Variants in CNGB1 observed in about 807,000 individuals in gnomAD.
CNGB1 encodes cyclic nucleotide-gated channel beta-1.
A neutral mutation model predicts 151.7 loss-of-function variants in CNGB1; 126 were observed. That is an observed-to-expected ratio of 0.83 (90% CI 0.72 to 0.96). The LOEUF (loss-of-function observed/expected upper bound fraction) is 0.96, where lower values mean the gene tolerates loss of function less well. Ranked by LOEUF, CNGB1 falls within the 40% of genes least tolerant of loss-of-function variation. The pLI is 0.00. For synonymous variants in CNGB1, 623 were observed against 635.1 expected, an observed-to-expected ratio of 0.98 and a Z score of 0.29; for missense variants, 1,698 against 1,627.0, an observed-to-expected ratio of 1.04 and a Z score of -0.75.
chr16:57,946,433 AGCTGGGG>A (rs1243513266), intron 14 of CNGB1: 1 of 152,322 alleles, frequency 6.6e-6, no homozygotes, highest in Non-Finnish European at 1.5e-5. Context: ...GCAGGGGTTC[AGCTGGGG>A]GCTGTGGCGT....
At chr16:57,947,075 G>C (rs367675865) in intron 14 of CNGB1, among the ~76,000 whole-genome samples, 107 of 152,366 alleles carry the variant, frequency 7.0e-4, no homozygotes, top group Non-Finnish European at 1.3e-3. Flanking sequence ...GGGTATACGT[G>C]TGTGCATGCC....
At chr16:57,902,283 C>A (rs1484771415) in intron 27 of CNGB1, among the ~76,000 whole-genome samples, 1 of 152,024 alleles carries the variant, frequency 6.6e-6, no homozygotes, top group Non-Finnish European at 1.5e-5. Context: ...GTTGGCCAGG[C>A]TGGTCTCAAA....
At chr16:57,891,296 G>A (rs1157553285) in intron 31 of CNGB1, among the ~76,000 whole-genome samples, 7 of 152,118 alleles carry the variant, frequency 4.6e-5, no homozygotes, top group Non-Finnish European at 8.8e-5. Context: ...GTTCCTAGGG[G>A]AAATACAAGG....
At chr16:57,947,006 CATGTATGAAT>C (rs1567390853) in intron 14 of CNGB1, among the ~76,000 whole-genome samples, 1 of 152,346 alleles carries the variant, frequency 6.6e-6, no homozygotes, top group South Asian at 2.1e-4. Flanking sequence ...TGTGCACACA[CATGTATGAAT>C]ATGTATGAAT....
At position 57,883,801 on chromosome 16, in the gene CNGB1, A is replaced by G. The variant is rs1567358439; in HGVS notation, c.*363T>C. 2.8e-6 allele frequency: 1 copy of G among 363,448 alleles called. No individual in the cohort carries two copies. The highest frequency in any genetic ancestry group is 5.1e-6 in the Non-Finnish European group (1 of 195,308). The allele number at this position is 363,448 out of a possible 1,614,324, so 22.5% of individuals were successfully genotyped here. On this transcript the variant is annotated 3_prime_UTR_variant, in exon 33 of 33. Transcript: ENST00000251102. ...ACATTCAATAACACTTTACTTTTTC[A>G]GCAAAGCTTCCCATGTATTGGAGCC... is the stretch of plus-strand genomic sequence containing the variant.
In CNGB1 at chr16:57,904,889, A is replaced by G; in HGVS notation, c.2493-14T>C. 1 of 1,614,108 alleles carries G rather than the reference A, an allele frequency of 6.2e-7. No individual in the cohort carries two copies. The highest frequency in any genetic ancestry group is 8.5e-7 in the Non-Finnish European group (1 of 1,180,026). On this transcript the variant is annotated splice_polypyrimidine_tract_variant and intron_variant, in intron 25 of 32. Coordinates refer to ENST00000251102, the MANE Select transcript of CNGB1 (RefSeq NM_001297.5). ...CAGCGAATATAACTGGAGAGAGAGG[A>G]GAAAGGGAACATGGGTCATCACAGG...
At position 57,939,468 on chromosome 16, in the gene CNGB1, TC is replaced by T. The variant is rs759380292; in HGVS notation, c.1333del (p.Glu445ArgfsTer58). The T allele has an allele frequency of 6.2e-7, 1 of 1,614,044 alleles. No individual in the cohort carries two copies. Among genetic ancestry groups the T allele is most frequent in the African/African-American group, 1.3e-5 (1 of 74,920 alleles). ...AGCCTCGGCCTCAGCCTCAGGCTCC[TC>T]CTTGGTCTCCGCCCAGTCCTGGGGC... ...KEPQDWAETK[E>X]EPEAEAEAAS... On this transcript the variant is annotated frameshift_variant, in exon 16 of 33. Coordinates refer to ENST00000251102, the MANE Select transcript of CNGB1 (RefSeq NM_001297.5). LOFTEE classifies it high-confidence loss of function.
intron 1 of CNGB1, among the ~76,000 whole-genome samples, chr16:57,970,621 G>A (rs57484425): frequency 0.032 from 4,895 of 152,100 alleles, 272 homozygotes; most frequent in African/African-American, 0.11. Flanking sequence ...TAAACCTTCT[G>A]GAAATGACTA....
intron 18 of CNGB1, 55 bp downstream of exon 18, chr16:57,923,218 A>AACC: frequency 9.2e-7 from 1 of 1,082,604 alleles, no homozygotes. Flanking sequence ...GCCCCCCCAC[A>AACC]TCCCCCACCC....
intron 14 of CNGB1, 138 bp downstream of exon 14, chr16:57,949,215 C>G (rs746988085): frequency 3.9e-5 from 59 of 1,512,828 alleles, no homozygotes; most frequent in Non-Finnish European, 5.1e-5. Context: ...CTCGCAGCCT[C>G]TTTGGTCAAA....
At chr16:57,914,025 G>A (rs1388471216) in intron 23 of CNGB1, among the ~76,000 whole-genome samples, 3 of 152,192 alleles carry the variant, frequency 2.0e-5, no homozygotes, top group Non-Finnish European at 4.4e-5. Flanking sequence ...TATTTATGAA[G>A]ATTCTCTAAG....
rs143772908 is a variant in CNGB1, at chr16:57,925,781, G to A, written c.1536-2401C>T. On this transcript the variant is annotated intron_variant, in intron 17 of 32. Coordinates refer to ENST00000251102, the MANE Select transcript of CNGB1 (RefSeq NM_001297.5). ...CAGCTCACTGCAACCTCTGCCTCCC[G>A]GGTTCAAGCAATTCTCCTGCCTCAG... 1.7e-4 allele frequency among the ~76,000 whole-genome samples: 26 copies of A among 152,046 alleles called. No individual in the cohort carries two copies. The East Asian group carries it at 4.3e-3, about 25-fold the overall frequency.
At chr16:57,915,522 C>A (rs527882850) in intron 22 of CNGB1, among the ~76,000 whole-genome samples, 187 bp from the exon 23 acceptor site, 3 of 152,182 alleles carry the variant, frequency 2.0e-5, no homozygotes, top group Non-Finnish European at 4.4e-5. Context: ...GCCCGTGTTG[C>A]CAGCCCCAAG....
intron 31 of CNGB1, among the ~76,000 whole-genome samples, chr16:57,889,368 T>G (rs1258470173): frequency 6.6e-6 from 1 of 152,156 alleles, no homozygotes; most frequent in Non-Finnish European, 1.5e-5. Context: ...GGCAAGGACC[T>G]GAGGCCAGCC....
intron 1 of CNGB1, among the ~76,000 whole-genome samples, chr16:57,968,750 G>C (rs1026134033): frequency 3.3e-5 from 5 of 151,694 alleles, no homozygotes; most frequent in African/African-American, 1.2e-4. Context: ...AAATGGGCTG[G>C]GTGCAGAGGC....
At chr16:57,929,792 T>A (rs1961296066) in intron 17 of CNGB1, among the ~76,000 whole-genome samples, 1 of 152,166 alleles carries the variant, frequency 6.6e-6, no homozygotes, top group Non-Finnish European at 1.5e-5. Flanking sequence ...ACCAGGTCCG[T>A]CCCTTGACAC....
chr16:57,902,812 C>T (rs1960426537), intron 27 of CNGB1, among the ~76,000 whole-genome samples: 2 of 150,312 alleles, frequency 1.3e-5, no homozygotes, highest in Admixed American at 1.3e-4. Context: ...GGGGTTTCAC[C>T]ATGTTGGCCA....
intron 18 of CNGB1, 64 bp downstream of exon 18, chr16:57,923,208 GC>G (rs1361662950): frequency 8.1e-5 from 100 of 1,231,346 alleles, no homozygotes; most frequent in Non-Finnish European, 1.1e-4. Flanking sequence ...ATCCACACTA[GC>G]CCCCCCACAT....
rs1319052906 is a variant in CNGB1 at position 57,901,272 on chromosome 16, G to A, written c.2976+80C>T. The A allele has an allele frequency of 6.5e-6, 9 of 1,376,112 alleles. No homozygotes were observed. The East Asian group carries it at 1.6e-4, about 24-fold the overall frequency. The allele number at this position is 1,376,112 out of a possible 1,614,324, so 85.2% of individuals were successfully genotyped here. A position where few individuals can be genotyped will look rare whatever the true frequency, so the allele number is the denominator to read the frequency against. ...AATCTCGCTCTGCCCTGGGCTGGCA[G>A]GCACCCCTCCAGCTCAGTTCCTTGA... is the stretch of plus-strand genomic sequence containing the variant. On this transcript the variant is annotated intron_variant, in intron 29 of 32. Transcript: ENST00000251102.
Sources: allele counts gnomAD v4.1 joint callset (sites outside exome capture counted in the v4.1 genomes callset), GRCh38; gene constraint gnomAD v4.1.1; transcripts MANE v1.5; gene names NCBI Gene and HGNC (gene_info 2026-07-23, HGNC 2026-07-21).